The following SMIM3 variants were observed in gnomAD, a reference collection of about 807,000 sequenced individuals.
The protein encoded by SMIM3 is NGF-induced differentiation clone 67 protein.
In SMIM3, 4 loss-of-function variants were observed where a neutral mutation model predicts 2.1. The ratio of observed to expected loss-of-function variants is 1.89; its 90% CI spans 0.93 to 4.31. The LOEUF is 4.31. SMIM3 is among the 30% of genes most tolerant of loss of function. SMIM3 has a pLI of 0.01. For synonymous variants in SMIM3, 29 were observed against 30.8 expected, an observed-to-expected ratio of 0.94 and a Z score of 0.19; for missense variants, 79 against 77.7, an observed-to-expected ratio of 1.02 and a Z score of -0.06.
intron 1 of SMIM3, among the ~76,000 whole-genome samples, chr5:150,787,938 T>G (rs918104767): frequency 6.6e-6 from 1 of 152,104 alleles, no homozygotes; most frequent in Non-Finnish European, 1.5e-5. Context: ...TACCAAGTAC[T>G]TGACATATGA....
chr5:150,784,385 C>T (rs935375213), intron 1 of SMIM3, among the ~76,000 whole-genome samples: 1 of 152,176 alleles, frequency 6.6e-6, no homozygotes, highest in Non-Finnish European at 1.5e-5. Flanking sequence ...ATGCTTCCAA[C>T]ACTTCATGTA....
intron 1 of SMIM3, among the ~76,000 whole-genome samples, chr5:150,783,619 C>CG (rs948451906): frequency 3.3e-5 from 5 of 152,150 alleles, no homozygotes; most frequent in African/African-American, 1.2e-4. Flanking sequence ...CCTTGTCTCC[C>CG]ACTTTGAGAT....
intron 1 of SMIM3, among the ~76,000 whole-genome samples, chr5:150,784,428 T>C (rs879688139): frequency 8.5e-5 from 13 of 152,342 alleles, no homozygotes; most frequent in Admixed American, 5.2e-4. Flanking sequence ...TGATAACATC[T>C]ATTCTGCTCA....
At chr5:150,790,206 T>G (rs1235975190) in intron 1 of SMIM3, among the ~76,000 whole-genome samples, 2 of 152,126 alleles carry the variant, frequency 1.3e-5, no homozygotes, top group Non-Finnish European at 2.9e-5. Flanking sequence ...GATTCTTGAT[T>G]GTGGATGAGC....
rs918342957 is a variant in SMIM3, at chr5:150,795,894, G to A, written c.*271G>A. 1 of 477,888 alleles carries A rather than the reference G, an allele frequency of 2.1e-6. No homozygotes were observed. Among genetic ancestry groups the A allele is most frequent in the Non-Finnish European group, 3.8e-6 (1 of 261,516 alleles). The allele number at this position is 477,888 out of a possible 1,614,324, so 29.6% of individuals were successfully genotyped here. ...GACTTAGTGGATGTGAAAGCTGTTT[G>A]TGATCAGTAAAGCTACCACAGATAT... is the stretch of plus-strand genomic sequence containing the variant. On this transcript the variant is annotated 3_prime_UTR_variant, in exon 2 of 2. Transcript: ENST00000526627.
chr5:150,791,140 C>A (rs1753345129), intron 1 of SMIM3, among the ~76,000 whole-genome samples: 1 of 152,146 alleles, frequency 6.6e-6, no homozygotes, highest in Non-Finnish European at 1.5e-5. Flanking sequence ...TTAACACTTT[C>A]TTGAGAGTAC....
chr5:150,795,723 A>G lies in SMIM3; in HGVS notation c.*100A>G, dbSNP rs998256098. On this transcript the variant is annotated 3_prime_UTR_variant, in exon 2 of 2. Transcript: ENST00000526627. ...CAGCAGGAGGGACTTTGGGGCATGG[A>G]CCTGAGTTCTGGTTTTGATTCTGCC... 3 of 1,327,400 alleles carry G rather than the reference A, an allele frequency of 2.3e-6. No homozygotes were observed. The highest frequency in any genetic ancestry group is 2.9e-5 in the African/African-American group (2 of 68,426). The allele number at this position is 1,327,400 out of a possible 1,614,324, so 82.2% of individuals were successfully genotyped here.
intron 1 of SMIM3, among the ~76,000 whole-genome samples, chr5:150,788,633 CAAAA>C (rs765111003): frequency 2.5e-5 from 2 of 80,014 alleles, no homozygotes; most frequent in Admixed American, 1.6e-4. Context: ...GACTGTGTCT[CAAAA>C]AAAAAAAAAA....
chr5:150,781,954 G>C (rs1227737810), intron 1 of SMIM3, among the ~76,000 whole-genome samples: 2 of 152,276 alleles, frequency 1.3e-5, no homozygotes, highest in African/African-American at 4.8e-5. Context: ...TGGGTCAGAT[G>C]GTACGTGCGG....
chr5:150,788,158 A>C (rs1561724109), intron 1 of SMIM3, among the ~76,000 whole-genome samples: 1 of 152,194 alleles, frequency 6.6e-6, no homozygotes, highest in Non-Finnish European at 1.5e-5. Flanking sequence ...ATTTTTATAT[A>C]ACTAGAAAAC....
At chr5:150,795,400 A>C (rs980112265) in intron 1 of SMIM3, 30 bp from the exon 2 acceptor site, 1 of 1,612,052 alleles carries the variant, frequency 6.2e-7, no homozygotes, top group Non-Finnish European at 8.5e-7. Flanking sequence ...AGAGTACGCA[A>C]CAGTGATCTT....
At chr5:150,781,064 G>A (rs987446925) in intron 1 of SMIM3, among the ~76,000 whole-genome samples, 8 of 152,198 alleles carry the variant, frequency 5.3e-5, no homozygotes, top group Admixed American at 4.6e-4. Flanking sequence ...TATTAGGGAG[G>A]GACTGTCATC....
At chr5:150,786,603 A>T (rs920543573) in intron 1 of SMIM3, among the ~76,000 whole-genome samples, 1 of 152,142 alleles carries the variant, frequency 6.6e-6, no homozygotes, top group African/African-American at 2.4e-5. Context: ...TGATTCTTTT[A>T]AAAAAATCTG....
At chr5:150,784,796 T>A (rs1156531416) in intron 1 of SMIM3, among the ~76,000 whole-genome samples, 1 of 152,216 alleles carries the variant, frequency 6.6e-6, no homozygotes, top group Non-Finnish European at 1.5e-5. Flanking sequence ...ATCTACCATC[T>A]TTCTCTGTGC....
chr5:150,795,537 A>T lies in SMIM3; in HGVS notation c.97A>T (p.Ile33Phe), dbSNP rs1753394213. Residue 33 changes from isoleucine (I) to phenylalanine (F), a missense_variant, in exon 2 of 2, where the codon ATC becomes TTC. Physicochemically the swap from Ile to Phe is conservative, Grantham distance 21 (BLOSUM62 0). Transcript: ENST00000526627. ...IVLIILATIV[I>F]MTSLLLCPAT... ...CCTCATCATCCTGGCCACCATTGTC[A>T]TCATGACCTCGTTGTTGCTGTGCCC... 1 of 1,611,632 alleles carries T rather than the reference A, an allele frequency of 6.2e-7. No individual in the cohort carries two copies. The highest frequency in any genetic ancestry group is 1.7e-5 in the Admixed American group (1 of 59,888).
intron 1 of SMIM3, among the ~76,000 whole-genome samples, chr5:150,793,855 A>G (rs553060401): frequency 1.8e-4 from 27 of 152,250 alleles, no homozygotes; most frequent in Non-Finnish European, 1.9e-4. Context: ...TTTTCATGGC[A>G]AAAGGAACAG....
chr5:150,779,213 G>T (rs1753206657), intron 1 of SMIM3, among the ~76,000 whole-genome samples: 1 of 152,144 alleles, frequency 6.6e-6, no homozygotes, highest in African/African-American at 2.4e-5. Context: ...TTTGGGCCTG[G>T]GGGAGGCGGA....
intron 1 of SMIM3, among the ~76,000 whole-genome samples, chr5:150,783,213 T>C (rs1753254456): frequency 6.6e-6 from 1 of 152,152 alleles, no homozygotes; most frequent in African/African-American, 2.4e-5. Context: ...TGGGACACAG[T>C]TGTTAGGTTC....
At chr5:150,792,465 T>G (rs1753358621) in intron 1 of SMIM3, among the ~76,000 whole-genome samples, 1 of 152,252 alleles carries the variant, frequency 6.6e-6, no homozygotes, top group South Asian at 2.1e-4. Context: ...AATGATTAGC[T>G]TAAGATAGTT....
Sources: allele counts gnomAD v4.1 joint callset (sites outside exome capture counted in the v4.1 genomes callset), GRCh38; gene constraint gnomAD v4.1.1; transcripts MANE v1.5; gene names NCBI Gene and HGNC (gene_info 2026-07-23, HGNC 2026-07-21).